The following RABGAP1L variants were observed in gnomAD, a reference collection of about 807,000 sequenced individuals.
RABGAP1L encodes the protein rab GTPase-activating protein 1-like.
RABGAP1L carries 63 observed loss-of-function variants against 137.7 expected under a neutral mutation model. The ratio of observed to expected loss-of-function variants is 0.46; its 90% CI spans 0.37 to 0.56. RABGAP1L has a LOEUF of 0.56. RABGAP1L is among the 20% of genes least tolerant of loss of function. The pLI, the probability that RABGAP1L is intolerant of heterozygous loss-of-function variation, is 0.00. For missense variants in RABGAP1L, 1,095 were observed against 1,244.0 expected, an observed-to-expected ratio of 0.88 and a Z score of 1.80; for synonymous variants, 431 against 433.7, an observed-to-expected ratio of 0.99 and a Z score of 0.08.
chr1:174,992,139 A>C lies in RABGAP1L; in HGVS notation c.*2138A>C, dbSNP rs955525753. On this transcript the variant is annotated 3_prime_UTR_variant, in exon 26 of 26. Coordinates refer to ENST00000681986, the MANE Select transcript of RABGAP1L (RefSeq NM_001366446.1). ...TAGTCCCTTTCCTTTTAAAGAGGAG[A>C]AGAGAAAAATCCCCCCTGGCCAGGC... is the stretch of plus-strand genomic sequence containing the variant. The C allele has an allele frequency of 6.6e-6, 1 of 152,148 alleles. No individual in the cohort carries two copies. Among genetic ancestry groups the C allele is most frequent in the Non-Finnish European group, 1.5e-5 (1 of 68,082 alleles). The allele number at this position is 152,148 out of a possible 1,614,324, so 9.4% of individuals were successfully genotyped here.
chr1:174,480,149 CTGTT>C (rs1477778269), intron 13 of RABGAP1L, among the ~76,000 whole-genome samples: 5 of 152,168 alleles, frequency 3.3e-5, no homozygotes, highest in African/African-American at 1.2e-4. Context: ...ATTCATGTCT[CTGTT>C]TTAAGGATGT....
rs776471436 is a variant in RABGAP1L at position 174,644,092 on chromosome 1, G to A, written c.1824+6604G>A. 1.5e-4 allele frequency among the ~76,000 whole-genome samples: 23 copies of A among 151,918 alleles called. 1 individual carries two copies. Among genetic ancestry groups the A allele is most frequent in the Admixed American group, 1.2e-3 (18 of 15,248 alleles). Reference sequence around the variant, plus strand: ...GTTTTTTTGGTCCTCTTTAATATACGTATTAGTAGGATAGACTTTATGAGT... The same window carrying A: ...GTTTTTTTGGTCCTCTTTAATATACATATTAGTAGGATAGACTTTATGAGT... On this transcript the variant is annotated intron_variant, in intron 14 of 25. Transcript: ENST00000681986.
chr1:174,637,060 A>C (rs1438964093), intron 13 of RABGAP1L, among the ~76,000 whole-genome samples: 1 of 152,204 alleles, frequency 6.6e-6, no homozygotes, highest in Non-Finnish European at 1.5e-5. Flanking sequence ...ATGTTATCCC[A>C]TTAAGTGAAA....
intron 19 of RABGAP1L, among the ~76,000 whole-genome samples, chr1:174,931,989 GGTTTTTTTTTTTT>G (rs1022690802): frequency 1.1e-5 from 1 of 94,182 alleles, no homozygotes; most frequent in Non-Finnish European, 2.1e-5. Context: ...CTGCTTTTTT[GGTTTTTTTTTTTT>G]TTTTTTTTTT....
intron 17 of RABGAP1L, among the ~76,000 whole-genome samples, chr1:174,734,682 CTT>C (rs1338024386): frequency 6.6e-6 from 1 of 152,166 alleles, no homozygotes; most frequent in South Asian, 2.1e-4. Context: ...TTGTAGAACT[CTT>C]TACTTTTCCA....
intron 19 of RABGAP1L, among the ~76,000 whole-genome samples, chr1:174,887,990 T>C (rs1377978289): frequency 1.3e-5 from 2 of 151,634 alleles, no homozygotes; most frequent in Non-Finnish European, 2.9e-5. Context: ...TGAGCTGAGA[T>C]CACGCCACTG....
chr1:174,168,739 T>C (rs1399776238), intron 1 of RABGAP1L, among the ~76,000 whole-genome samples: 1 of 152,222 alleles, frequency 6.6e-6, no homozygotes, highest in Non-Finnish European at 1.5e-5. Context: ...ATATTACTGT[T>C]ATTCAAATCC....
chr1:174,562,397 A>G (rs1667282180), intron 13 of RABGAP1L, among the ~76,000 whole-genome samples: 1 of 152,206 alleles, frequency 6.6e-6, no homozygotes, highest in African/African-American at 2.4e-5. Flanking sequence ...AAGCTTTTGC[A>G]CTGTTGGTGG....
chr1:174,339,530 A>AT (rs1054862591), intron 11 of RABGAP1L, among the ~76,000 whole-genome samples: 9 of 152,142 alleles, frequency 5.9e-5, no homozygotes, highest in African/African-American at 1.4e-4. Flanking sequence ...TCATAAGAAT[A>AT]TTTTTTTATA....
chr1:174,327,793 G>A (rs924783079), intron 11 of RABGAP1L, among the ~76,000 whole-genome samples: 2 of 151,252 alleles, frequency 1.3e-5, no homozygotes, highest in Non-Finnish European at 2.9e-5. Context: ...GAAAATGATG[G>A]ATGGGAAAAG....
chr1:174,636,503 G>C (rs1042872859), intron 13 of RABGAP1L, among the ~76,000 whole-genome samples: 2 of 148,488 alleles, frequency 1.3e-5, no homozygotes, highest in Non-Finnish European at 3.0e-5. Flanking sequence ...ACTCCAGCCC[G>C]GGCAACAGTG....
chr1:174,473,324 A>T (rs1052930996), intron 13 of RABGAP1L, among the ~76,000 whole-genome samples: 4 of 152,202 alleles, frequency 2.6e-5, no homozygotes, highest in African/African-American at 9.7e-5. Flanking sequence ...CTCATGTGTC[A>T]GGTGCACAAT....
intron 13 of RABGAP1L, among the ~76,000 whole-genome samples, chr1:174,473,335 C>G (rs1658147464): frequency 6.6e-6 from 1 of 152,126 alleles, no homozygotes; most frequent in Non-Finnish European, 1.5e-5. Flanking sequence ...GGTGCACAAT[C>G]CCAAAGCTTT....
At chr1:174,571,584 T>A (rs12079757) in intron 13 of RABGAP1L, among the ~76,000 whole-genome samples, 53,525 of 151,748 alleles carry the variant, frequency 0.35, 12,057 homozygotes, top group African/African-American at 0.64. Context: ...AATAAAAAAA[T>A]TTTTAAAATA....
At chr1:174,376,632 C>A (rs576204368) in intron 12 of RABGAP1L, among the ~76,000 whole-genome samples, 1 of 152,136 alleles carries the variant, frequency 6.6e-6, no homozygotes, top group East Asian at 1.9e-4. Flanking sequence ...GCATTTGACC[C>A]AATTCAGCAT....
At position 174,419,558 on chromosome 1, in the gene RABGAP1L, T is replaced by C. The variant is rs576689602; in HGVS notation, c.1710+25413T>C. 8.7e-4 allele frequency among the ~76,000 whole-genome samples: 132 copies of C among 152,320 alleles called. 1 individual carries two copies. The highest frequency in any genetic ancestry group is 2.3e-3 in the African/African-American group (95 of 41,574). ...AAATTTTCTGTAACTGTGGTTTGCT[T>C]TCATTGTAATAGAGAGTTCATAGCT... On this transcript the variant is annotated intron_variant, in intron 13 of 25. Coordinates refer to ENST00000681986, the MANE Select transcript of RABGAP1L (RefSeq NM_001366446.1).
At chr1:174,432,687 G>A (rs1244433511) in intron 13 of RABGAP1L, among the ~76,000 whole-genome samples, 11 of 152,064 alleles carry the variant, frequency 7.2e-5, no homozygotes, top group East Asian at 5.8e-4. Flanking sequence ...ACAAGCGTGC[G>A]CCTCCATGCC....
intron 13 of RABGAP1L, among the ~76,000 whole-genome samples, chr1:174,430,992 A>G (rs1652566097): frequency 6.6e-6 from 1 of 152,124 alleles, no homozygotes; most frequent in Non-Finnish European, 1.5e-5. Flanking sequence ...ATATTTCTTT[A>G]TTATTTTTAG....
At chr1:174,395,282 G>A (rs1647684763) in intron 13 of RABGAP1L, among the ~76,000 whole-genome samples, 1 of 152,098 alleles carries the variant, frequency 6.6e-6, no homozygotes, top group African/African-American at 2.4e-5. Context: ...CAGTTTGCAT[G>A]TGTTAGATTA....
Sources: gnomAD v4.1 joint callset for allele counts (sites outside exome capture counted in the v4.1 genomes callset) on GRCh38, gnomAD v4.1.1 for gene constraint, MANE v1.5 for transcripts, NCBI Gene and HGNC (gene_info 2026-07-23, HGNC 2026-07-21) for gene names.